The following CDH13 variants were observed in gnomAD, a reference collection of about 807,000 sequenced individuals.
CDH13 encodes the protein cadherin 13.
Under a neutral mutation model 63.8 loss-of-function variants are expected in CDH13, and 24 were observed. That is an observed-to-expected ratio of 0.38 (90% CI 0.27 to 0.53). The LOEUF (loss-of-function observed/expected upper bound fraction) is 0.53. Among genes scored for constraint, CDH13 ranks in the 20% least tolerant of loss-of-function variants. The pLI is 0.85. For synonymous variants in CDH13, 503 were observed against 355.3 expected, an observed-to-expected ratio of 1.42 and a Z score of -4.67; for missense variants, 1,049 against 903.1, an observed-to-expected ratio of 1.16 and a Z score of -2.07.
chr16:83,390,117 A>C (rs1217915021), intron 6 of CDH13, among the ~76,000 whole-genome samples: 1 of 152,202 alleles, frequency 6.6e-6, no homozygotes, highest in Admixed American at 6.5e-5. Context: ...CAGTGGTAAT[A>C]CAAGAAACAT....
intron 1 of CDH13, among the ~76,000 whole-genome samples, chr16:82,703,772 C>T (rs938858643): frequency 2.6e-5 from 4 of 152,072 alleles, no homozygotes; most frequent in African/African-American, 2.4e-5. Flanking sequence ...CTGCTAATGC[C>T]CCCTCTTTGC....
chr16:83,494,344 T>C (rs1021561179), intron 7 of CDH13, among the ~76,000 whole-genome samples: 12 of 152,204 alleles, frequency 7.9e-5, no homozygotes, highest in Non-Finnish European at 1.5e-4. Context: ...ATGATTACTA[T>C]GTTAATGCAG....
intron 6 of CDH13, among the ~76,000 whole-genome samples, chr16:83,446,446 G>T (rs1411302482): frequency 6.6e-6 from 1 of 152,176 alleles, no homozygotes; most frequent in African/African-American, 2.4e-5. Context: ...CCACCACTCA[G>T]TGTTAGAGTT....
At position 83,502,608 on chromosome 16, in the gene CDH13, G is replaced by A. The variant is rs80345719; in HGVS notation, c.960+15953G>A. Among the ~76,000 whole-genome samples, 650 of 152,298 alleles carry A rather than the reference G, an allele frequency of 4.3e-3. 9 individuals carry two copies. Among genetic ancestry groups the A allele is most frequent in the African/African-American group, 0.015 (628 of 41,576 alleles). ...TTTGTGGGCTTGAAAGAGATGACGT[G>A]TTAAATACAGTAGCTTTTGACCTTG... is the stretch of plus-strand genomic sequence containing the variant. On this transcript the variant is annotated intron_variant, in intron 7 of 13. Coordinates refer to ENST00000567109, the MANE Select transcript of CDH13 (RefSeq NM_001257.5).
At chr16:83,279,654 GA>G (rs1019127012) in intron 5 of CDH13, among the ~76,000 whole-genome samples, 4 of 152,086 alleles carry the variant, frequency 2.6e-5, no homozygotes, top group Admixed American at 2.0e-4. Context: ...ATACATCTGG[GA>G]AAAACATCAT....
At chr16:83,021,476 C>T (rs76882202) in intron 2 of CDH13, among the ~76,000 whole-genome samples, 2 of 152,122 alleles carry the variant, frequency 1.3e-5, no homozygotes, top group East Asian at 1.9e-4. Context: ...TCAAAGCTAA[C>T]GGCTCAGTTT....
chr16:83,422,623 G>C (rs75152808), intron 6 of CDH13, among the ~76,000 whole-genome samples: 2,720 of 152,238 alleles, frequency 0.018, 91 homozygotes, highest in African/African-American at 0.062. Flanking sequence ...TTCTAAAATG[G>C]AAAAGCTGGT....
intron 3 of CDH13, among the ~76,000 whole-genome samples, chr16:83,080,494 C>G (rs185436430): frequency 6.6e-6 from 1 of 152,184 alleles, no homozygotes; most frequent in Admixed American, 6.5e-5. Context: ...CCACTGAACA[C>G]TTTGCATGCA....
At chr16:83,483,067 G>A (rs1311316621) in intron 6 of CDH13, among the ~76,000 whole-genome samples, 1 of 152,206 alleles carries the variant, frequency 6.6e-6, no homozygotes, top group African/African-American at 2.4e-5. Flanking sequence ...AAAGGGGAAT[G>A]TTGAAAACAG....
intron 7 of CDH13, among the ~76,000 whole-genome samples, chr16:83,566,641 G>C (rs768814695): frequency 6.6e-6 from 1 of 152,226 alleles, no homozygotes; most frequent in South Asian, 2.1e-4. Context: ...TAATGAGGCC[G>C]GGCAGAGCAT....
At chr16:83,327,881 C>A (rs1020341426) in intron 5 of CDH13, among the ~76,000 whole-genome samples, 1 of 152,166 alleles carries the variant, frequency 6.6e-6, no homozygotes, top group Non-Finnish European at 1.5e-5. Context: ...GCCTGTAATC[C>A]CAGCACTTTG....
chr16:82,698,354 C>T (rs778361536), intron 1 of CDH13, among the ~76,000 whole-genome samples: 1 of 152,212 alleles, frequency 6.6e-6, no homozygotes, highest in Non-Finnish European at 1.5e-5. Flanking sequence ...CCTGGGTACT[C>T]TCTGTAGATG....
rs191442319 is a variant in CDH13, at chr16:83,164,386, C to G, written c.483+38885C>G. The stretch of plus-strand genomic sequence containing the variant: ...ACACATGGTGGAGTTAGGTCACAAT[C>G]CACGTCCCTCTGACTCTTGAAGGAA... On this transcript the variant is annotated intron_variant, in intron 4 of 13. Transcript: ENST00000567109. Among the ~76,000 whole-genome samples the G allele has an allele frequency of 2.6e-5, 4 of 151,950 alleles. No individual in the cohort carries two copies. In the East Asian group the frequency reaches 7.7e-4, roughly 29 times the overall value.
chr16:83,661,909 T>A (rs1037707872), intron 8 of CDH13, among the ~76,000 whole-genome samples: 1 of 152,184 alleles, frequency 6.6e-6, no homozygotes, highest in Non-Finnish European at 1.5e-5. Flanking sequence ...TTTGGTTCAT[T>A]CCCCAGCACC....
intron 6 of CDH13, among the ~76,000 whole-genome samples, chr16:83,436,682 T>G (rs764165540): frequency 1.3e-5 from 2 of 152,234 alleles, no homozygotes; most frequent in Non-Finnish European, 1.5e-5. Flanking sequence ...CCAAGTAATA[T>G]GTTCCATGTG....
chr16:82,951,650 C>A (rs1171454616), intron 2 of CDH13, among the ~76,000 whole-genome samples: 1 of 152,238 alleles, frequency 6.6e-6, no homozygotes, highest in Non-Finnish European at 1.5e-5. Flanking sequence ...GTGCTCCCCA[C>A]AACTCTCCCA....
chr16:82,882,220 A>T (rs2040728487), intron 2 of CDH13, among the ~76,000 whole-genome samples: 1 of 152,232 alleles, frequency 6.6e-6, no homozygotes, highest in African/African-American at 2.4e-5. Flanking sequence ...AAAGATATTA[A>T]CATAATAATA....
At chr16:82,817,091 G>C (rs974065795) in intron 1 of CDH13, among the ~76,000 whole-genome samples, 6 of 152,158 alleles carry the variant, frequency 3.9e-5, no homozygotes, top group African/African-American at 1.4e-4. Context: ...TTGAGGCTAA[G>C]TTTTCCAACA....
At chr16:82,950,138 T>C (rs1597276170) in intron 2 of CDH13, among the ~76,000 whole-genome samples, 1 of 152,102 alleles carries the variant, frequency 6.6e-6, no homozygotes, top group Non-Finnish European at 1.5e-5. Flanking sequence ...AAGTCTAAGG[T>C]CAAGGTGTAG....
Sources: gnomAD v4.1 joint callset for allele counts (sites outside exome capture counted in the v4.1 genomes callset) on GRCh38, gnomAD v4.1.1 for gene constraint, MANE v1.5 for transcripts, NCBI Gene and HGNC (gene_info 2026-07-23, HGNC 2026-07-21) for gene names.